The following BMPR2 variants were observed in gnomAD, a reference collection of about 807,000 sequenced individuals.
The protein encoded by BMPR2 is bone morphogenetic protein receptor type-2.
A neutral mutation model predicts 100.8 loss-of-function variants in BMPR2; 29 were observed. The observed-to-expected ratio is 0.29, with a 90% CI of 0.21 to 0.39. BMPR2 has a LOEUF of 0.39. Among genes scored for constraint, BMPR2 ranks in the 10% least tolerant of loss-of-function variants. The pLI is 1.00. For synonymous variants in BMPR2, 382 were observed against 442.3 expected (o/e 0.86, Z 1.71); for missense variants, 1,011 against 1,274.5 (o/e 0.79, Z 3.15).
At chr2:202,529,359 A>G (rs1687976170) in intron 7 of BMPR2, among the ~76,000 whole-genome samples, 1 of 152,258 alleles carries the variant, frequency 6.6e-6, no homozygotes, top group Non-Finnish European at 1.5e-5. Context: ...ATACCCAAAT[A>G]AAGAAAATTA....
chr2:202,485,545 C>CTTTTTTGTTTTTTTTTTTTTTTTT (rs1692757161), intron 3 of BMPR2, among the ~76,000 whole-genome samples: 1 of 64,010 alleles, frequency 1.6e-5, no homozygotes, highest in Non-Finnish European at 2.7e-5. Flanking sequence ...TTGCCTTTAT[C>CTTTTTTGTTTTTTTTTTTTTTTTT]TTTTTTTTTT....
At chr2:202,471,856 A>G (rs1007208591) in intron 3 of BMPR2, among the ~76,000 whole-genome samples, 1 of 152,148 alleles carries the variant, frequency 6.6e-6, no homozygotes, top group Non-Finnish European at 1.5e-5. Flanking sequence ...AAATAATCTA[A>G]GAAGTGTTTA....
chr2:202,432,628 C>T (rs1230007614), intron 1 of BMPR2, among the ~76,000 whole-genome samples: 2 of 150,324 alleles, frequency 1.3e-5, no homozygotes, highest in Non-Finnish European at 2.9e-5. Context: ...TGCAGCCTCG[C>T]TCATTCTTTA....
At chr2:202,409,833 C>T (rs1690976835) in intron 1 of BMPR2, among the ~76,000 whole-genome samples, 1 of 151,584 alleles carries the variant, frequency 6.6e-6, no homozygotes, top group African/African-American at 2.4e-5. Flanking sequence ...CAGGGGTTAG[C>T]AATTCTACTT....
chr2:202,511,707 G>A (rs1406457963), intron 3 of BMPR2, among the ~76,000 whole-genome samples: 1 of 152,032 alleles, frequency 6.6e-6, no homozygotes, highest in Non-Finnish European at 1.5e-5. Context: ...AATGATCAAT[G>A]TGTTAAAATC....
chr2:202,548,972 A>G (rs191832241), intron 10 of BMPR2, among the ~76,000 whole-genome samples: 49 of 152,244 alleles, frequency 3.2e-4, no homozygotes, highest in Non-Finnish European at 6.5e-4. Flanking sequence ...CATCACAGTC[A>G]TGATTGTGAA....
rs1178974923 is a variant in BMPR2 at position 202,495,418 on chromosome 2, T to C, written c.419-18301T>C. Among the ~76,000 whole-genome samples the C allele has an allele frequency of 6.6e-6, 1 of 152,198 alleles. No homozygotes were observed. Among genetic ancestry groups the C allele is most frequent in the Admixed American group, 6.5e-5 (1 of 15,280 alleles). ...CGGCCTGCCGGCGTGCGGGTGCCTATCGTTGTGCTCTTCTGCTGGCGTGCT... is the reference window on the plus strand; with the variant it reads ...CGGCCTGCCGGCGTGCGGGTGCCTACCGTTGTGCTCTTCTGCTGGCGTGCT... On this transcript the variant is annotated intron_variant, in intron 3 of 12. Transcript: ENST00000374580. The surrounding 1 kb of genome is among the most constrained non-coding windows in gnomAD (Gnocchi z 4.5).
At position 202,559,410 on chromosome 2, in the gene BMPR2, A is replaced by G. The variant is rs571075502; in HGVS notation, c.2867-286A>G. ...ATCGCTACCAAAACCAGAAGATTTG[A>G]GAATACAGCTGAGAAGTTTAAATGT... On this transcript the variant is annotated intron_variant, in intron 12 of 12. Coordinates refer to ENST00000374580, the MANE Select transcript of BMPR2 (RefSeq NM_001204.7). 3.3e-5 allele frequency among the ~76,000 whole-genome samples: 5 copies of G among 152,250 alleles called. No individual in the cohort carries two copies. In the East Asian group the frequency reaches 9.7e-4, roughly 29 times the overall value.
intron 1 of BMPR2, among the ~76,000 whole-genome samples, chr2:202,431,612 T>C (rs567508929): frequency 1.3e-5 from 2 of 150,764 alleles, no homozygotes; most frequent in East Asian, 3.9e-4. Flanking sequence ...CTGTACTTTT[T>C]CTGTGTTTAG....
chr2:202,452,058 C>T (rs903159058), intron 1 of BMPR2, among the ~76,000 whole-genome samples: 6 of 152,048 alleles, frequency 3.9e-5, no homozygotes, highest in Non-Finnish European at 8.8e-5. Context: ...CTGGCCAATT[C>T]GGTGAGTTTT....
Position 202,556,399 on chromosome 2 carries a change from G to A in BMPR2, c.2734G>A (p.Glu912Lys). 1 of 1,614,198 alleles carries A rather than the reference G, an allele frequency of 6.2e-7. No individual in the cohort carries two copies. Among genetic ancestry groups the A allele is most frequent in the Non-Finnish European group, 8.5e-7 (1 of 1,180,042 alleles). ...SNNNNSNPCS[E>K]QDVLAQGVPS... ...TAACAACAACAGCAATCCATGTTCA[G>A]AACAAGATGTTCTTGCACAGGGTGT... is the stretch of plus-strand genomic sequence containing the variant. Residue 912 changes from glutamate to lysine, a missense_variant, in exon 12 of 13, where the codon GAA (glutamate) becomes AAA (lysine). This residue lies in a region of BMPR2 where 508 missense variants were observed against 552.0 expected (regional missense o/e 0.92). Transcript: ENST00000374580.
chr2:202,454,452 T>G (rs1692050536), intron 1 of BMPR2, among the ~76,000 whole-genome samples: 1 of 152,222 alleles, frequency 6.6e-6, no homozygotes, highest in Non-Finnish European at 1.5e-5. Flanking sequence ...GAAGGCTACT[T>G]GCTGGAAGTA....
intron 1 of BMPR2, among the ~76,000 whole-genome samples, chr2:202,393,737 G>T (rs1690596646): frequency 6.6e-6 from 1 of 152,092 alleles, no homozygotes; most frequent in African/African-American, 2.4e-5. Flanking sequence ...ATTACTAAGA[G>T]AATATACTCT....
chr2:202,497,683 A>G (rs1358594043), intron 3 of BMPR2, among the ~76,000 whole-genome samples: 1 of 152,160 alleles, frequency 6.6e-6, no homozygotes, highest in Non-Finnish European at 1.5e-5. Flanking sequence ...CATCTATCGT[A>G]TCTATCCTGA....
At chr2:202,558,974 T>C (rs1244223781) in intron 12 of BMPR2, among the ~76,000 whole-genome samples, 1 of 151,716 alleles carries the variant, frequency 6.6e-6, no homozygotes, top group African/African-American at 2.4e-5. Context: ...TCTGTTATTC[T>C]TCTGAAAAAT....
intron 11 of BMPR2, among the ~76,000 whole-genome samples, chr2:202,554,041 G>GA (rs1225062000): frequency 7.2e-5 from 11 of 152,154 alleles, no homozygotes; most frequent in African/African-American, 2.7e-4. Flanking sequence ...AGCCATAGGT[G>GA]AAAAATTTGG....
At chr2:202,554,658 T>C (rs1559073666) in intron 11 of BMPR2, among the ~76,000 whole-genome samples, 1 of 152,206 alleles carries the variant, frequency 6.6e-6, no homozygotes, top group African/African-American at 2.4e-5. Context: ...TTGAACATCA[T>C]ATTCTGCCTT....
intron 3 of BMPR2, among the ~76,000 whole-genome samples, chr2:202,512,422 G>A (rs1428908038): frequency 6.6e-6 from 1 of 152,164 alleles, no homozygotes; most frequent in African/African-American, 2.4e-5. Context: ...CTGTTTATAA[G>A]CCATGCTTTT....
rs1280448395 is a variant in BMPR2 at position 202,436,448 on chromosome 2, G to GA, written c.77-28352dup. ...TGGATAGAGTGAGACCCTGTCTCAA[G>GA]AAAAAAAAACAACAACAGCAGCAAC... On this transcript the variant is annotated intron_variant, in intron 1 of 12. Coordinates refer to ENST00000374580, the MANE Select transcript of BMPR2 (RefSeq NM_001204.7). Among the ~76,000 whole-genome samples, 34 of 142,252 alleles carry GA rather than the reference G, an allele frequency of 2.4e-4. 2 individuals carry two copies. The highest frequency in any genetic ancestry group is 6.8e-4 in the African/African-American group (25 of 36,948). The allele number at this position is 142,252 out of a possible 152,430, so 93.3% of individuals were successfully genotyped here.
Sources: allele counts gnomAD v4.1 joint callset (sites outside exome capture counted in the v4.1 genomes callset), GRCh38; gene constraint gnomAD v4.1.1; regional missense constraint gnomAD v4.1.1; non-coding constraint Gnocchi (gnomAD v3.1); transcripts MANE v1.5; gene names NCBI Gene and HGNC (gene_info 2026-07-23, HGNC 2026-07-21).